Variants in RPS6KA2 observed in about 807,000 individuals in gnomAD.
The protein encoded by RPS6KA2 is ribosomal protein S6 kinase A2, also known as ribosomal protein S6 kinase alpha-2.
A neutral mutation model predicts 91.8 loss-of-function variants in RPS6KA2; 42 were observed. That is an observed-to-expected ratio of 0.46 (90% CI 0.36 to 0.59). RPS6KA2 has a LOEUF of 0.59. RPS6KA2 is among the 20% of genes least tolerant of loss of function. RPS6KA2 has a pLI of 0.00. For synonymous variants in RPS6KA2, 414 were observed against 393.6 expected, an observed-to-expected ratio of 1.05 and a Z score of -0.61; for missense variants, 798 against 978.5, an observed-to-expected ratio of 0.82 and a Z score of 2.46.
intron 14 of RPS6KA2, among the ~76,000 whole-genome samples, chr6:166,444,587 G>A (rs140923897): frequency 3.0e-4 from 46 of 152,360 alleles, no homozygotes; most frequent in East Asian, 7.7e-4. Flanking sequence ...TGGGGGCACC[G>A]GCAGAATGCG....
chr6:166,815,694 T>A (rs1221023986), intron 2 of RPS6KA2, among the ~76,000 whole-genome samples: 2 of 152,152 alleles, frequency 1.3e-5, no homozygotes, highest in Non-Finnish European at 2.9e-5. Flanking sequence ...GGCCCTGATA[T>A]ATGTCAGTGG....
chr6:166,498,446 G>C lies in RPS6KA2; in HGVS notation c.747+62C>G, dbSNP rs909242726. On this transcript the variant is annotated intron_variant, in intron 8 of 20. Transcript: ENST00000265678. ...ATTTCGGGACCTCTGAACCAACCTG[G>C]GGACAGGGGTCCACGTGGGGAACAG... The C allele has an allele frequency of 2.3e-5, 36 of 1,531,916 alleles. No homozygotes were observed. The East Asian group carries it at 8.4e-4, about 36-fold the overall frequency. 94.9% of individuals were successfully genotyped at this position (1,531,916 alleles called of 1,614,324 possible).
At chr6:166,768,307 C>T (rs939197587) in intron 2 of RPS6KA2, among the ~76,000 whole-genome samples, 1 of 152,202 alleles carries the variant, frequency 6.6e-6, no homozygotes, top group Admixed American at 6.5e-5. Flanking sequence ...TTTATAAAGG[C>T]AAATAAATAA....
At chr6:166,631,854 C>T (rs9366034), upstream of RPS6KA2, among the ~76,000 whole-genome samples, 18,694 of 152,196 alleles carry the variant, frequency 0.12, 1,381 homozygotes, top group Non-Finnish European at 0.17. Flanking sequence ...GCGCGGCAAA[C>T]GGAGCCCAGA....
chr6:166,672,241 A>G (rs184158308), intron 2 of RPS6KA2, among the ~76,000 whole-genome samples: 131 of 152,250 alleles, frequency 8.6e-4, no homozygotes, highest in African/African-American at 3.1e-3. Context: ...TACGGGGAAC[A>G]AGTCCCACGC....
intron 16 of RPS6KA2, among the ~76,000 whole-genome samples, chr6:166,425,007 T>C (rs1420626667): frequency 6.6e-6 from 1 of 152,156 alleles, no homozygotes; most frequent in African/African-American, 2.4e-5. Context: ...TCCCCTTCTT[T>C]ACCTAAAAGG....
At chr6:166,615,752 T>C (rs1009217747) in intron 1 of RPS6KA2, among the ~76,000 whole-genome samples, 1 of 152,154 alleles carries the variant, frequency 6.6e-6, no homozygotes. Flanking sequence ...TGGACCATCT[T>C]GAACATCAGA....
In RPS6KA2 at chr6:166,423,147, G is replaced by T; in HGVS notation, c.1743+109C>A. On this transcript the variant is annotated intron_variant, in intron 17 of 20. Transcript: ENST00000265678. This position sits in a 1 kb window ranked among gnomAD's most constrained non-coding sequence, Gnocchi z 4.8. ...GTTTCCCAACACCACTGCTGACGCA[G>T]CTCAAGCCGCCTCTGACATCCCCGC... is the stretch of plus-strand genomic sequence containing the variant. 1 of 1,198,212 alleles carries T rather than the reference G, an allele frequency of 8.3e-7. No individual in the cohort carries two copies. The highest frequency in any genetic ancestry group is 1.2e-6 in the Non-Finnish European group (1 of 864,096). The allele number at this position is 1,198,212 out of a possible 1,614,324, so 74.2% of individuals were successfully genotyped here. A position where few individuals can be genotyped will look rare whatever the true frequency, so the allele number is the denominator to read the frequency against.
chr6:166,715,073 CCTT>C (rs989641052), intron 2 of RPS6KA2, among the ~76,000 whole-genome samples: 1 of 152,226 alleles, frequency 6.6e-6, no homozygotes, highest in Non-Finnish European at 1.5e-5. Context: ...CTCACCAAAG[CCTT>C]CTGCCTTGCA....
intron 2 of RPS6KA2, among the ~76,000 whole-genome samples, chr6:166,698,062 G>A (rs1406684464): frequency 6.6e-6 from 1 of 152,222 alleles, no homozygotes; most frequent in Non-Finnish European, 1.5e-5. Context: ...GTAAGGACTG[G>A]GGTCCGGCTG....
intron 2 of RPS6KA2, among the ~76,000 whole-genome samples, chr6:166,750,571 C>T (rs58104219): frequency 0.044 from 6,639 of 152,290 alleles, 270 homozygotes; most frequent in East Asian, 0.23. Flanking sequence ...TCTGTCACAA[C>T]GGGGGTTTCT....
intron 2 of RPS6KA2, among the ~76,000 whole-genome samples, chr6:166,739,331 A>G (rs982220608): frequency 6.6e-6 from 1 of 152,262 alleles, no homozygotes; most frequent in African/African-American, 2.4e-5. Context: ...AAACTTAGAA[A>G]TATGAACTCT....
chr6:166,696,587 T>A (rs1052182202), intron 2 of RPS6KA2, among the ~76,000 whole-genome samples: 1 of 152,206 alleles, frequency 6.6e-6, no homozygotes, highest in African/African-American at 2.4e-5. Flanking sequence ...ATTTTCTACG[T>A]CAACTTGACA....
chr6:166,631,634 A>AT (rs1192491263), upstream of RPS6KA2, among the ~76,000 whole-genome samples: 2 of 152,236 alleles, frequency 1.3e-5, no homozygotes, highest in Non-Finnish European at 2.9e-5. Flanking sequence ...GGTAACACAG[A>AT]TTTTTTTTCG....
At chr6:166,680,427 G>C (rs1239429454) in intron 2 of RPS6KA2, among the ~76,000 whole-genome samples, 2 of 152,214 alleles carry the variant, frequency 1.3e-5, no homozygotes, top group Admixed American at 1.3e-4. Context: ...CCCCAGCCAG[G>C]AGACCTACCT....
At chr6:166,541,296 C>T (rs1783645234) in intron 1 of RPS6KA2, among the ~76,000 whole-genome samples, 1 of 152,248 alleles carries the variant, frequency 6.6e-6, no homozygotes, top group Non-Finnish European at 1.5e-5. Flanking sequence ...GCCAGGGAGG[C>T]TTCACACTGC....
chr6:166,448,894 G>A lies in RPS6KA2; in HGVS notation c.1207-45C>T, dbSNP rs752780885. 1.2e-5 allele frequency: 19 copies of A among 1,608,416 alleles called. No homozygotes were observed. Among genetic ancestry groups the A allele is most frequent in the Non-Finnish European group, 1.5e-5 (18 of 1,176,268 alleles). On this transcript the variant is annotated intron_variant, in intron 13 of 20. Coordinates refer to ENST00000265678, the MANE Select transcript of RPS6KA2 (RefSeq NM_021135.6). This position sits in a 1 kb window ranked among gnomAD's most constrained non-coding sequence, Gnocchi z 4.7. Reference sequence around the variant, plus strand: ...AGAAGAGTTGTCGGAACCCTCACACGAGGGGACGGTGCAGCTACACGCACA... The same window carrying A: ...AGAAGAGTTGTCGGAACCCTCACACAAGGGGACGGTGCAGCTACACGCACA...
chr6:166,503,194 C>T (rs1312574780), intron 6 of RPS6KA2, among the ~76,000 whole-genome samples: 8 of 152,186 alleles, frequency 5.3e-5, no homozygotes, highest in Admixed American at 1.3e-4. Context: ...ATTTCAGATT[C>T]GGATGAGGGA....
rs750615715 is a variant in RPS6KA2, at chr6:166,423,325, G to T, written c.1674C>A (p.Ala558=). ...ESIRVCDFGF[A]KQLRAGNGLL... ...GCCCGTTCCCCGCGCGCAGCTGCTT[G>T]GCAAAGCCGAAGTCGCAGACTCGGA... The change falls in exon 17 of 21, where the codon GCC becomes GCA. Residue 558 remains alanine (A), a synonymous_variant. Transcript: ENST00000265678. This position sits in a 1 kb window ranked among gnomAD's most constrained non-coding sequence, Gnocchi z 4.8. 3.2e-5 allele frequency: 52 copies of T among 1,613,998 alleles called. No homozygotes were observed. Among genetic ancestry groups the T allele is most frequent in the Middle Eastern group, 1.6e-4 (1 of 6,080 alleles).
Sources: gnomAD v4.1 joint callset for allele counts (sites outside exome capture counted in the v4.1 genomes callset) on GRCh38, gnomAD v4.1.1 for gene constraint, Gnocchi (gnomAD v3.1) non-coding constraint, MANE v1.5 for transcripts, NCBI Gene and HGNC (gene_info 2026-07-23, HGNC 2026-07-21) for gene names.